Variants in TOX2 observed in about 807,000 individuals in gnomAD.
The protein encoded by TOX2 is TOX high mobility group box family member 2.
TOX2 carries 15 observed loss-of-function variants against 47.4 expected under a neutral mutation model. The observed-to-expected ratio is 0.32, with a 90% confidence interval of 0.21 to 0.49. The LOEUF is 0.49. Ranked by LOEUF, TOX2 falls within the 20% of genes least tolerant of loss-of-function variation. TOX2 has a pLI of 0.99. For missense variants in TOX2, 622 were observed against 673.1 expected (o/e 0.92, Z 0.84); for synonymous variants, 290 against 296.6 (o/e 0.98, Z 0.23).
chr20:43,946,902 C>T (rs2069482616), intron 1 of TOX2, among the ~76,000 whole-genome samples: 1 of 152,214 alleles, frequency 6.6e-6, no homozygotes, highest in Non-Finnish European at 1.5e-5. Flanking sequence ...TGATTTATCA[C>T]AGCCATTGTT....
chr20:43,917,105 A>G (rs1338685812), intron 1 of TOX2, among the ~76,000 whole-genome samples: 4 of 152,170 alleles, frequency 2.6e-5, no homozygotes, highest in Non-Finnish European at 5.9e-5. Context: ...GATAGGTGAA[A>G]GGAAGGTCTG....
intron 2 of TOX2, among the ~76,000 whole-genome samples, chr20:44,005,871 C>A (rs1040321936): frequency 1.3e-5 from 2 of 151,966 alleles, no homozygotes; most frequent in Non-Finnish European, 2.9e-5. Flanking sequence ...AGGAAAAAGG[C>A]CCGGATGTCT....
intron 2 of TOX2, among the ~76,000 whole-genome samples, chr20:43,987,824 C>A (rs2070294464): frequency 6.6e-6 from 1 of 152,122 alleles, no homozygotes; most frequent in South Asian, 2.1e-4. Flanking sequence ...CACGGGCTTC[C>A]CCAGATCTGC....
chr20:44,039,926 T>C lies in TOX2; in HGVS notation c.412-11380T>C, dbSNP rs145987680. Among the ~76,000 whole-genome samples, 43 of 152,328 alleles carry C rather than the reference T, an allele frequency of 2.8e-4. No homozygotes were observed. In the East Asian group the frequency reaches 8.1e-3, roughly 29 times the overall value. ...GCTGTCCGCATGCACAATAACCCTC[T>C]GTAGGGACCCCCGAGGTGGGCCGAG... On this transcript the variant is annotated intron_variant, in intron 3 of 8. Coordinates refer to ENST00000341197, the MANE Select transcript of TOX2 (RefSeq NM_001098797.2).
chr20:43,997,219 A>G (rs2070497115), intron 2 of TOX2, among the ~76,000 whole-genome samples: 1 of 152,246 alleles, frequency 6.6e-6, no homozygotes, highest in Non-Finnish European at 1.5e-5. Context: ...GGGATAAAGT[A>G]GAAAGCCATC....
At position 44,061,076 on chromosome 20, in the gene TOX2, C is replaced by T. The variant is rs140348746; in HGVS notation, c.880-3701C>T. ...GAAACAAAACATGAGATATTACAACCGATACCACAGAAATACAAAAGATCA... is the reference window on the plus strand; with the variant it reads ...GAAACAAAACATGAGATATTACAACTGATACCACAGAAATACAAAAGATCA... On this transcript the variant is annotated intron_variant, in intron 5 of 8. Coordinates refer to ENST00000341197, the MANE Select transcript of TOX2 (RefSeq NM_001098797.2). 2.9e-3 allele frequency among the ~76,000 whole-genome samples: 448 copies of T among 152,134 alleles called. 1 individual carries two copies. Among genetic ancestry groups the T allele is most frequent in the African/African-American group, 9.8e-3 (407 of 41,534 alleles).
intron 1 of TOX2, among the ~76,000 whole-genome samples, chr20:43,958,285 C>T (rs769477679): frequency 6.6e-5 from 10 of 152,208 alleles, no homozygotes; most frequent in Non-Finnish European, 1.0e-4. Flanking sequence ...TTCCATTACT[C>T]TTTCTTTAAG....
intron 2 of TOX2, among the ~76,000 whole-genome samples, chr20:43,977,750 T>C (rs1234326917): frequency 2.0e-5 from 3 of 152,180 alleles, no homozygotes; most frequent in African/African-American, 7.2e-5. Context: ...GATATAATTC[T>C]CAGATAGGGC....
chr20:44,032,253 G>A (rs1428701953), intron 3 of TOX2, among the ~76,000 whole-genome samples: 2 of 152,172 alleles, frequency 1.3e-5, no homozygotes. Context: ...ACCTCCCATG[G>A]TTTTCCAGCT....
chr20:43,987,681 A>G (rs1404286468), intron 2 of TOX2, among the ~76,000 whole-genome samples: 2 of 152,156 alleles, frequency 1.3e-5, no homozygotes, highest in Admixed American at 1.3e-4. Context: ...CACTGAGAGC[A>G]TGGATGGGCG....
chr20:44,006,160 C>T (rs1355141980), intron 2 of TOX2, among the ~76,000 whole-genome samples: 2 of 152,306 alleles, frequency 1.3e-5, no homozygotes, highest in Non-Finnish European at 2.9e-5. Flanking sequence ...AACTCTTCCC[C>T]CAGCCATGGA....
intron 3 of TOX2, among the ~76,000 whole-genome samples, chr20:44,016,057 T>C (rs2070873431): frequency 6.6e-6 from 1 of 151,706 alleles, no homozygotes; most frequent in Admixed American, 6.6e-5. Flanking sequence ...CATGTCCCAG[T>C]TTTCTTTGGA....
At chr20:44,057,755 C>T (rs1213859046) in intron 5 of TOX2, among the ~76,000 whole-genome samples, 1 of 152,122 alleles carries the variant, frequency 6.6e-6, no homozygotes, top group Non-Finnish European at 1.5e-5. Flanking sequence ...TCTGAGGGTC[C>T]ATGAACTGTG....
intron 3 of TOX2, among the ~76,000 whole-genome samples, chr20:44,029,634 A>C (rs6017248): frequency 0.69 from 105,162 of 152,054 alleles, 36,743 homozygotes; most frequent in East Asian, 0.78. Context: ...CCGCTTCTGC[A>C]GTTAGGATCC....
At chr20:44,031,788 C>T (rs974608975) in intron 3 of TOX2, among the ~76,000 whole-genome samples, 3 of 151,978 alleles carry the variant, frequency 2.0e-5, no homozygotes, top group Non-Finnish European at 2.9e-5. Context: ...TTTTGAGGGC[C>T]CAGCAGAAGT....
chr20:44,040,482 A>T (rs2071313986), intron 3 of TOX2, among the ~76,000 whole-genome samples: 1 of 152,120 alleles, frequency 6.6e-6, no homozygotes. Flanking sequence ...ATCATAACTT[A>T]GGGAGGAGGG....
intron 1 of TOX2, among the ~76,000 whole-genome samples, chr20:43,918,295 A>G (rs566796185): frequency 2.6e-5 from 4 of 152,186 alleles, no homozygotes; most frequent in Non-Finnish European, 5.9e-5. Flanking sequence ...CCTAGGGCAA[A>G]TGATTTTTAG....
rs55721806 is a variant in TOX2 at position 44,014,128 on chromosome 20, CAAAAAAAAA to C, written c.411+7355_411+7363del. ...CGTGGGTGACAGAGTGAGACTATCTCAAAAAAAAAAAAAAAAAAAAAAAAAAAGGAAAAG... is the reference window on the plus strand; with the variant it reads ...CGTGGGTGACAGAGTGAGACTATCTCAAAAAAAAAAAAAAAAAAGGAAAAG... On this transcript the variant is annotated intron_variant, in intron 3 of 8. Transcript: ENST00000341197. Among the ~76,000 whole-genome samples the C allele has an allele frequency of 2.5e-3, 134 of 53,582 alleles. 2 individuals carry two copies. Among genetic ancestry groups the C allele is most frequent in the South Asian group, 1.3e-3 (1 of 758 alleles). The allele number at this position is 53,582 out of a possible 152,430, so 35.2% of individuals were successfully genotyped here.
Position 44,066,710 on chromosome 20 carries a change from T to G in TOX2, c.1357-20T>G, listed in dbSNP as rs778074158. 3.2e-5 allele frequency: 52 copies of G among 1,613,862 alleles called. No homozygotes were observed. The highest frequency in any genetic ancestry group is 3.3e-4 in the Middle Eastern group (2 of 6,084). On this transcript the variant is annotated intron_variant, in intron 7 of 8. Coordinates refer to ENST00000341197, the MANE Select transcript of TOX2 (RefSeq NM_001098797.2). ...CCTCATCTCTCCTTGGCTCATGGCCTCCTCCTTCCCACTCTGTAGGACTTC... is the reference window on the plus strand; with the variant it reads ...CCTCATCTCTCCTTGGCTCATGGCCGCCTCCTTCCCACTCTGTAGGACTTC...
Sources: allele counts gnomAD v4.1 joint callset (sites outside exome capture counted in the v4.1 genomes callset), GRCh38; gene constraint gnomAD v4.1.1; transcripts MANE v1.5; gene names NCBI Gene and HGNC (gene_info 2026-07-23, HGNC 2026-07-21).